The following GABRB1 variants were observed in gnomAD, a reference collection of about 807,000 sequenced individuals.
GABRB1 encodes the protein gamma-aminobutyric acid receptor subunit beta-1.
In GABRB1, 17 loss-of-function variants were observed where a neutral mutation model predicts 51.6. That is an observed-to-expected ratio of 0.33 (90% confidence interval 0.23 to 0.49). The LOEUF (loss-of-function observed/expected upper bound fraction) is 0.49. Ranked by LOEUF, GABRB1 falls within the 20% of genes least tolerant of loss-of-function variation. The probability of loss-of-function intolerance (pLI) is 0.99; values close to 1 mark genes in which losing one functional copy is unlikely to be tolerated. For missense variants in GABRB1, 410 were observed against 600.6 expected (o/e 0.68, Z 3.32); for synonymous variants, 247 against 218.9 (o/e 1.13, Z -1.14).
chr4:47,200,627 T>G (rs760954160), intron 4 of GABRB1, among the ~76,000 whole-genome samples: 5 of 152,104 alleles, frequency 3.3e-5, no homozygotes, highest in Non-Finnish European at 5.9e-5. Flanking sequence ...CCATTAATAA[T>G]AAAGGCACCA....
At chr4:47,127,322 G>A (rs1716195436) in intron 3 of GABRB1, among the ~76,000 whole-genome samples, 1 of 151,662 alleles carries the variant, frequency 6.6e-6, no homozygotes, top group Non-Finnish European at 1.5e-5. Context: ...AGATATATGT[G>A]TGTGTAGATA....
At chr4:47,349,467 G>C (rs541574841) in intron 5 of GABRB1, among the ~76,000 whole-genome samples, 1 of 152,218 alleles carries the variant, frequency 6.6e-6, no homozygotes, top group African/African-American at 2.4e-5. Context: ...GGTCAACTGT[G>C]GTCTGAAAAT....
At chr4:47,352,040 T>C (rs1043963511) in intron 5 of GABRB1, among the ~76,000 whole-genome samples, 66 of 152,162 alleles carry the variant, frequency 4.3e-4, no homozygotes, top group African/African-American at 1.5e-3. Flanking sequence ...TGTAAAAGTG[T>C]TCCTATTTCT....
At chr4:47,155,777 TTA>T in intron 3 of GABRB1, among the ~76,000 whole-genome samples, 1 of 151,668 alleles carries the variant, frequency 6.6e-6, no homozygotes, top group East Asian at 1.9e-4. Context: ...AGAAACCATC[TTA>T]TGTCAGACTT....
intron 4 of GABRB1, among the ~76,000 whole-genome samples, chr4:47,200,191 G>T (rs1719843622): frequency 1.3e-5 from 2 of 152,316 alleles, no homozygotes; most frequent in Admixed American, 6.5e-5. Flanking sequence ...TCCTGCAGGG[G>T]TCAAAACGTT....
At chr4:47,256,850 G>A (rs1722221751) in intron 4 of GABRB1, among the ~76,000 whole-genome samples, 1 of 152,062 alleles carries the variant, frequency 6.6e-6, no homozygotes, top group African/African-American at 2.4e-5. Flanking sequence ...CATTAGATTT[G>A]GACGTGGACA....
rs186599220 is a variant in GABRB1 at position 47,393,654 on chromosome 4, C to T, written c.545-9664C>T. ...TTTCATGAAGTAAATCACAATATTC[C>T]ATTGACATCATCCAACCTTTATATT... On this transcript the variant is annotated intron_variant, in intron 5 of 8. Coordinates refer to ENST00000295454, the MANE Select transcript of GABRB1 (RefSeq NM_000812.4). 5.0e-3 allele frequency among the ~76,000 whole-genome samples: 760 copies of T among 152,282 alleles called. 7 individuals are homozygous for T. Among genetic ancestry groups the T allele is most frequent in the African/African-American group, 0.017 (691 of 41,542 alleles).
chr4:47,301,155 T>C (rs901516755), intron 4 of GABRB1, among the ~76,000 whole-genome samples: 1 of 152,164 alleles, frequency 6.6e-6, no homozygotes, highest in Non-Finnish European at 1.5e-5. Flanking sequence ...TTAGGTTTCA[T>C]TTCTAGGAAC....
intron 5 of GABRB1, among the ~76,000 whole-genome samples, chr4:47,364,377 A>G (rs1391032420): frequency 2.6e-5 from 4 of 152,152 alleles, no homozygotes; most frequent in Non-Finnish European, 5.9e-5. Flanking sequence ...AGAAAAAAAG[A>G]TCAGACAAAG....
chr4:47,001,165 T>C lies in GABRB1; in HGVS notation c.-20+7239T>C, dbSNP rs13116731. On this transcript the variant is annotated intron_variant, in intron 1 of 3. Transcript: ENST00000513567. ...TATGTTTATTTTTTATTTTTTGAGA[T>C]GGAGTCTCGCTCTGTCGCCCAGGCT... Among the ~76,000 whole-genome samples the C allele has an allele frequency of 7.9e-3, 1,199 of 152,240 alleles. 15 individuals carry two copies. The highest frequency in any genetic ancestry group is 0.027 in the African/African-American group (1,104 of 41,546).
chr4:47,279,875 C>T (rs113733741), intron 4 of GABRB1, among the ~76,000 whole-genome samples: 21 of 150,710 alleles, frequency 1.4e-4, no homozygotes, highest in African/African-American at 4.1e-4. Flanking sequence ...CATTCAGTCA[C>T]TCCTTAGAGG....
intron 1 of GABRB1, among the ~76,000 whole-genome samples, chr4:47,024,342 T>C (rs1725020585): frequency 6.6e-6 from 1 of 151,972 alleles, no homozygotes; most frequent in South Asian, 2.1e-4. Context: ...GGGTTCATAT[T>C]GAGAAGTATT....
At chr4:47,396,273 G>A (rs148557540) in intron 5 of GABRB1, among the ~76,000 whole-genome samples, 86 of 152,204 alleles carry the variant, frequency 5.7e-4, no homozygotes, top group Non-Finnish European at 9.9e-4. Context: ...ATCAGATCTC[G>A]TGAGACTTAC....
At position 47,161,330 on chromosome 4, in the gene GABRB1, C is replaced by T. The variant is rs76009420; in HGVS notation, c.322C>T (p.Leu108=). ...SYSGIPLNLT[L]DNRVADQLWV... ...TTCTGGAATCCCACTGAACCTCACC[C>T]TAGACAATAGGGTAGCTGACCAACT... Residue 108 remains leucine, a synonymous_variant, in exon 4 of 9, where the codon CTA becomes TTA. Coordinates refer to ENST00000295454, the MANE Select transcript of GABRB1 (RefSeq NM_000812.4). The T allele has an allele frequency of 6.2e-7, 1 of 1,612,744 alleles. No homozygotes were observed. Among genetic ancestry groups the T allele is most frequent in the Non-Finnish European group, 8.5e-7 (1 of 1,179,284 alleles).
chr4:47,193,625 C>T (rs1163736578), intron 4 of GABRB1, among the ~76,000 whole-genome samples: 1 of 152,178 alleles, frequency 6.6e-6, no homozygotes, highest in African/African-American at 2.4e-5. Flanking sequence ...ATAGGTCCTC[C>T]ATAAATGGCC....
At chr4:47,017,555 A>T (rs1194156171) in intron 1 of GABRB1, among the ~76,000 whole-genome samples, 1 of 152,212 alleles carries the variant, frequency 6.6e-6, no homozygotes, top group East Asian at 1.9e-4. Context: ...CATTGGAAAC[A>T]AATAAAAGCC....
intron 3 of GABRB1, among the ~76,000 whole-genome samples, chr4:47,038,299 T>G (rs1725685720): frequency 6.6e-6 from 1 of 152,160 alleles, no homozygotes; most frequent in African/African-American, 2.4e-5. Context: ...TAATTAGTCA[T>G]GGCATCCTCA....
At chr4:47,400,921 C>CTTTTTTTTTTTTTT (rs71195629) in intron 5 of GABRB1, among the ~76,000 whole-genome samples, 7 of 98,544 alleles carry the variant, frequency 7.1e-5, no homozygotes, top group African/African-American at 1.6e-4. Context: ...TTGTTCTTCT[C>CTTTTTTTTTTTTTT]TTTTTTTTTT....
At chr4:47,261,355 G>T (rs1351436996) in intron 4 of GABRB1, among the ~76,000 whole-genome samples, 1 of 151,760 alleles carries the variant, frequency 6.6e-6, no homozygotes, top group Non-Finnish European at 1.5e-5. Context: ...AAAGTCTCAG[G>T]ATATCAATGT....
Sources: gnomAD v4.1 joint callset for allele counts (sites outside exome capture counted in the v4.1 genomes callset) on GRCh38, gnomAD v4.1.1 for gene constraint, MANE v1.5 for transcripts, NCBI Gene and HGNC (gene_info 2026-07-23, HGNC 2026-07-21) for gene names.